COL5A2: variants seen among roughly 807,000 people sequenced by gnomAD.
COL5A2 encodes collagen type V alpha 2 chain.
A neutral mutation model predicts 208.2 loss-of-function variants in COL5A2; 23 were observed. The observed-to-expected ratio is 0.11, with a 90% CI of 0.08 to 0.16. The LOEUF (loss-of-function observed/expected upper bound fraction) is 0.16. Among genes scored for constraint, COL5A2 ranks in the 10% least tolerant of loss-of-function variants. COL5A2 has a pLI of 1.00. For missense variants in COL5A2, 1,590 were observed against 1,956.4 expected (o/e 0.81, Z 3.53); for synonymous variants, 625 against 628.5 (o/e 0.99, Z 0.08).
At chr2:189,167,228 A>G (rs536726667) in intron 1 of COL5A2, among the ~76,000 whole-genome samples, 14 of 152,210 alleles carry the variant, frequency 9.2e-5, no homozygotes, top group Non-Finnish European at 1.9e-4. Flanking sequence ...GGTGAGCGGG[A>G]CACTTGGCAA....
chr2:189,094,975 A>G (rs1686874993), intron 6 of COL5A2: 1 of 151,988 alleles, frequency 6.6e-6, no homozygotes, highest in Non-Finnish European at 1.5e-5. Context: ...AACTGTCACA[A>G]TTGTATGGGG....
At chr2:189,347,349 T>C in the COL5A2 span, among the ~76,000 whole-genome samples, 2 of 151,956 alleles carry the variant, frequency 1.3e-5, no homozygotes, top group Non-Finnish European at 1.5e-5. Context: ...AGTTGTCCCA[T>C]GATTAGGAAC....
Position 189,147,178 on chromosome 2 carries a change from TC to T in COL5A2, c.97+32329del, listed in dbSNP as rs201214864. Among the ~76,000 whole-genome samples the T allele has an allele frequency of 8.5e-5, 13 of 152,292 alleles. No homozygotes were observed. In the East Asian group the frequency reaches 2.5e-3, roughly 29 times the overall value. On this transcript the variant is annotated intron_variant, in intron 1 of 53. Coordinates refer to ENST00000374866, the MANE Select transcript of COL5A2 (RefSeq NM_000393.5). Reference sequence around the variant, plus strand: ...TAAACTACATATTAAATTATGTGTGTCCAAAATACTGGATCAAATTGCCAAA... The same window carrying T: ...TAAACTACATATTAAATTATGTGTGTCAAAATACTGGATCAAATTGCCAAA...
chr2:189,434,309 A>G, the COL5A2 span, among the ~76,000 whole-genome samples: 1 of 152,180 alleles, frequency 6.6e-6, no homozygotes, highest in Admixed American at 6.5e-5. Context: ...TATTCAACAT[A>G]GTGTTGGAAG....
chr2:189,437,387 G>A, the COL5A2 span, among the ~76,000 whole-genome samples: 1 of 152,186 alleles, frequency 6.6e-6, no homozygotes, highest in African/African-American at 2.4e-5. Flanking sequence ...TAGGGCATGA[G>A]TTTCTGCATT....
the COL5A2 span, among the ~76,000 whole-genome samples, chr2:189,272,288 A>G: frequency 6.6e-6 from 1 of 152,178 alleles, no homozygotes; most frequent in Non-Finnish European, 1.5e-5. Context: ...TAGACTGGAT[A>G]AGGAAAATGT....
At chr2:189,094,493 G>A (rs978908959) in intron 6 of COL5A2, among the ~76,000 whole-genome samples, 3 of 150,180 alleles carry the variant, frequency 2.0e-5, no homozygotes, top group Non-Finnish European at 4.4e-5. Flanking sequence ...CCACTAGGTG[G>A]CGATGTTTAA....
chr2:189,164,423 T>G (rs983935402), intron 1 of COL5A2, among the ~76,000 whole-genome samples: 1 of 152,076 alleles, frequency 6.6e-6, no homozygotes, highest in African/African-American at 2.4e-5. Flanking sequence ...TACTATTTAA[T>G]TCCTATTCTG....
chr2:189,181,933 A>G (rs147022729), upstream of COL5A2, among the ~76,000 whole-genome samples: 9 of 152,362 alleles, frequency 5.9e-5, no homozygotes, highest in East Asian at 1.7e-3. Flanking sequence ...TGACAGAAGC[A>G]TAGCAAATAT....
the COL5A2 span, among the ~76,000 whole-genome samples, chr2:189,430,056 G>T: frequency 6.6e-6 from 1 of 152,296 alleles, no homozygotes; most frequent in Non-Finnish European, 1.5e-5. Context: ...TTGCTTTGAA[G>T]TTGCTCTCAA....
chr2:189,350,546 C>G, the COL5A2 span, among the ~76,000 whole-genome samples: 4 of 152,098 alleles, frequency 2.6e-5, no homozygotes, highest in Non-Finnish European at 4.4e-5. Flanking sequence ...GTGTGAAGGC[C>G]CGTCATGATA....
chr2:189,416,642 C>A, the COL5A2 span, among the ~76,000 whole-genome samples: 1 of 152,280 alleles, frequency 6.6e-6, no homozygotes, highest in African/African-American at 2.4e-5. Context: ...AGCACACCAA[C>A]ATGGCGTATG....
intron 1 of COL5A2, among the ~76,000 whole-genome samples, chr2:189,122,452 T>C (rs1430864332): frequency 6.6e-6 from 1 of 152,062 alleles, no homozygotes; most frequent in East Asian, 1.9e-4. Flanking sequence ...AGGGGATGGT[T>C]TAATTTATCA....
At position 189,110,310 on chromosome 2, in the gene COL5A2, C is replaced by A; in HGVS notation, c.237G>T (p.Val79=). Residue 79 remains valine (V), a synonymous_variant, in exon 2 of 54, where the codon GTG becomes GTT. Transcript: ENST00000374866. ...ILCDKIECQD[V]LDCADPVTPP... ...GCGTTACAGGGTCGGCACAGTCCAG[C>A]ACATCCTGGCATTCTATCTTGTCAC... 1 of 1,614,158 alleles carries A rather than the reference C, an allele frequency of 6.2e-7. No homozygotes were observed. The highest frequency in any genetic ancestry group is 8.5e-7 in the Non-Finnish European group (1 of 1,180,022).
chr2:189,313,348 C>T, the COL5A2 span, among the ~76,000 whole-genome samples: 6 of 152,206 alleles, frequency 3.9e-5, no homozygotes, highest in East Asian at 1.2e-3. Flanking sequence ...ATTCAAATTT[C>T]ATAAATGAAG....
intron 49 of COL5A2, 38 bp from the exon 50 acceptor site, chr2:189,041,731 G>A (rs1185758984): frequency 1.4e-6 from 2 of 1,461,780 alleles, no homozygotes; most frequent in South Asian, 1.1e-5. Context: ...ATTCTATGAA[G>A]GAAAAATTTT....
At chr2:189,295,982 A>G in the COL5A2 span, among the ~76,000 whole-genome samples, 4 of 151,996 alleles carry the variant, frequency 2.6e-5, no homozygotes, top group African/African-American at 9.7e-5. Context: ...GGATTTTTTG[A>G]GCTTCCAGGA....
At chr2:189,049,730 T>C (rs1685745398) in intron 43 of COL5A2, among the ~76,000 whole-genome samples, 1 of 152,178 alleles carries the variant, frequency 6.6e-6, no homozygotes, top group Admixed American at 6.5e-5. Context: ...CATAGGTGAT[T>C]CTAGCTGCCC....
At position 189,212,271 on chromosome 2, in the gene COL5A2, C is replaced by T. The variant is rs192491839; in HGVS notation, c.-42+12877G>A. On this transcript the variant is annotated intron_variant, in intron 1 of 10. Transcript: ENST00000649966. ...TACCGAGCTTACTGGAACTAGGAGG[C>T]ATTTTGTCAAATACAATAGCAAATG... Among the ~76,000 whole-genome samples the T allele has an allele frequency of 5.3e-5, 8 of 152,224 alleles. No homozygotes were observed. In the East Asian group the frequency reaches 9.7e-4, roughly 18 times the overall value.
Sources: allele counts gnomAD v4.1 joint callset (sites outside exome capture counted in the v4.1 genomes callset), GRCh38; gene constraint gnomAD v4.1.1; transcripts MANE v1.5; gene names NCBI Gene and HGNC (gene_info 2026-07-23, HGNC 2026-07-21).